Variants in SLC24A2 observed in about 807,000 individuals in gnomAD.
SLC24A2 encodes sodium/potassium/calcium exchanger 2.
In SLC24A2, 36 loss-of-function variants were observed where a neutral mutation model predicts 62.0. The ratio of observed to expected loss-of-function variants is 0.58; its 90% CI spans 0.44 to 0.77. SLC24A2 has a LOEUF of 0.77. SLC24A2 is among the 30% of genes least tolerant of loss of function. The pLI is 0.00. For synonymous variants in SLC24A2, 358 were observed against 294.0 expected (o/e 1.22, Z -2.23); for missense variants, 846 against 817.9 (o/e 1.03, Z -0.42).
At chr9:19,933,320 C>G in the SLC24A2 span, among the ~76,000 whole-genome samples, 4 of 152,200 alleles carry the variant, frequency 2.6e-5, no homozygotes. Flanking sequence ...CACAGGTGTC[C>G]TGTAGCTCTT....
the SLC24A2 span, among the ~76,000 whole-genome samples, chr9:20,020,301 G>A: frequency 6.6e-6 from 1 of 152,188 alleles, no homozygotes; most frequent in South Asian, 2.1e-4. Flanking sequence ...GTTCACAATA[G>A]CAAAGACTTG....
chr9:20,260,267 G>C, the SLC24A2 span, among the ~76,000 whole-genome samples: 1 of 152,098 alleles, frequency 6.6e-6, no homozygotes, highest in South Asian at 2.1e-4. Flanking sequence ...GCCAAATACT[G>C]GCATCTCAAT....
the SLC24A2 span, among the ~76,000 whole-genome samples, chr9:20,057,329 T>C: frequency 2.0e-5 from 3 of 152,212 alleles, no homozygotes; most frequent in East Asian, 5.8e-4. Flanking sequence ...TGGCCAAGTA[T>C]TTTGTTTTAC....
At chr9:20,293,332 G>C in the SLC24A2 span, among the ~76,000 whole-genome samples, 9 of 152,256 alleles carry the variant, frequency 5.9e-5, no homozygotes, top group African/African-American at 2.2e-4. Flanking sequence ...CCCAAAGAGG[G>C]CCTCATCTAA....
chr9:20,085,141 G>C, the SLC24A2 span, among the ~76,000 whole-genome samples: 1 of 152,182 alleles, frequency 6.6e-6, no homozygotes, highest in African/African-American at 2.4e-5. Flanking sequence ...GACTACAGGA[G>C]AGCACCACTA....
the SLC24A2 span, among the ~76,000 whole-genome samples, chr9:20,240,814 A>G: frequency 6.6e-6 from 1 of 152,176 alleles, no homozygotes; most frequent in Non-Finnish European, 1.5e-5. Flanking sequence ...ACAAATGGAC[A>G]TCGATTGATC....
chr9:19,662,211 AC>A (rs759739242), intron 2 of SLC24A2, among the ~76,000 whole-genome samples: 12 of 152,262 alleles, frequency 7.9e-5, no homozygotes, highest in Admixed American at 2.0e-4. Context: ...GAATATAGCC[AC>A]ATTATTATTG....
the SLC24A2 span, among the ~76,000 whole-genome samples, chr9:20,113,594 T>G: frequency 1.3e-5 from 2 of 152,336 alleles, no homozygotes; most frequent in African/African-American, 4.8e-5. Flanking sequence ...CTATATTGGT[T>G]ATAAAAATTT....
At chr9:19,890,154 A>G in the SLC24A2 span, among the ~76,000 whole-genome samples, 1 of 152,212 alleles carries the variant, frequency 6.6e-6, no homozygotes, top group Admixed American at 6.5e-5. Flanking sequence ...TTAAACCTAA[A>G]TATCTGTTTA....
the SLC24A2 span, among the ~76,000 whole-genome samples, chr9:19,854,844 T>C: frequency 2.0e-5 from 3 of 152,182 alleles, no homozygotes; most frequent in African/African-American, 7.2e-5. Flanking sequence ...CTGAATATCT[T>C]TGTTAATTTT....
chr9:20,220,743 C>T, the SLC24A2 span, among the ~76,000 whole-genome samples: 2 of 152,112 alleles, frequency 1.3e-5, no homozygotes, highest in African/African-American at 2.4e-5. Flanking sequence ...TTTAAAAGCA[C>T]GTGAATGCTA....
At chr9:19,890,108 C>G in the SLC24A2 span, among the ~76,000 whole-genome samples, 1 of 152,186 alleles carries the variant, frequency 6.6e-6, no homozygotes, top group Non-Finnish European at 1.5e-5. Context: ...CCGTCTCTTT[C>G]TCTATCATAA....
At chr9:20,076,869 A>AT in the SLC24A2 span, among the ~76,000 whole-genome samples, 1 of 61,370 alleles carries the variant, frequency 1.6e-5, no homozygotes, top group East Asian at 3.2e-4. Flanking sequence ...ATGTATATAT[A>AT]TATATATATA....
the SLC24A2 span, among the ~76,000 whole-genome samples, chr9:20,253,041 A>G: frequency 6.6e-6 from 1 of 152,230 alleles, no homozygotes; most frequent in Admixed American, 6.5e-5. Context: ...GGCCTGTTAG[A>G]AACAAGGCAC....
At chr9:20,073,530 G>T in the SLC24A2 span, among the ~76,000 whole-genome samples, 1,493 of 152,146 alleles carry the variant, frequency 9.8e-3, 30 homozygotes, top group African/African-American at 0.034. Flanking sequence ...TGTACATCAG[G>T]GGGTGGAAAT....
chr9:19,561,436 CT>C lies in SLC24A2; in HGVS notation c.1348-11169del, dbSNP rs10641024. On this transcript the variant is annotated intron_variant, in intron 7 of 10. Transcript: ENST00000341998. ...AGCTAACAGTTAAGTGGAAAACAGA[CT>C]TTTTTTTTTTTTTTTGAGATGGAGT... Among the ~76,000 whole-genome samples the C allele has an allele frequency of 1.4e-3, 190 of 138,158 alleles. 1 individual carries two copies. The highest frequency in any genetic ancestry group is 3.8e-3 in the African/African-American group (140 of 36,916). 90.6% of individuals were successfully genotyped at this position (138,158 alleles called of 152,430 possible).
the SLC24A2 span, among the ~76,000 whole-genome samples, chr9:19,964,194 G>A: frequency 8.0e-6 from 1 of 125,272 alleles, no homozygotes; most frequent in Non-Finnish European, 1.6e-5. Flanking sequence ...ACAGGAAGGG[G>A]AACATCACAC....
the SLC24A2 span, among the ~76,000 whole-genome samples, chr9:20,057,758 T>G: frequency 6.6e-6 from 1 of 152,202 alleles, no homozygotes; most frequent in African/African-American, 2.4e-5. Flanking sequence ...TACATTACAC[T>G]TTTCAAAGCA....
chr9:19,856,081 A>C, the SLC24A2 span, among the ~76,000 whole-genome samples: 34 of 152,120 alleles, frequency 2.2e-4, no homozygotes, highest in Non-Finnish European at 3.5e-4. Flanking sequence ...TGTGGCTATC[A>C]ATACTTGTGG....
Sources: gnomAD v4.1 joint callset for allele counts (sites outside exome capture counted in the v4.1 genomes callset) on GRCh38, gnomAD v4.1.1 for gene constraint, MANE v1.5 for transcripts, NCBI Gene and HGNC (gene_info 2026-07-23, HGNC 2026-07-21) for gene names.